The following MPPED2 variants were observed in gnomAD, a reference collection of about 807,000 sequenced individuals.
MPPED2 encodes the protein metallophosphoesterase MPPED2.
MPPED2 carries 5 observed loss-of-function variants against 33.0 expected under a neutral mutation model. The observed-to-expected ratio is 0.15, with a 90% confidence interval of 0.08 to 0.32. The LOEUF (loss-of-function observed/expected upper bound fraction) is 0.32, where lower values mean the gene tolerates loss of function less well. Ranked by LOEUF, MPPED2 falls within the 10% of genes least tolerant of loss-of-function variation. The probability of loss-of-function intolerance (pLI) is 1.00; values close to 1 mark genes in which losing one functional copy is unlikely to be tolerated. For synonymous variants in MPPED2, 136 were observed against 141.9 expected (o/e 0.96, Z 0.29); for missense variants, 275 against 372.1 (o/e 0.74, Z 2.15).
intron 2 of MPPED2, among the ~76,000 whole-genome samples, chr11:30,559,625 C>G (rs1956150367): frequency 6.6e-6 from 1 of 152,064 alleles, no homozygotes; most frequent in Non-Finnish European, 1.5e-5. Context: ...TTGCGTATCT[C>G]CTTCAAAGTC....
chr11:30,503,909 A>T (rs1952684597), intron 3 of MPPED2, among the ~76,000 whole-genome samples: 1 of 152,224 alleles, frequency 6.6e-6, no homozygotes, highest in Non-Finnish European at 1.5e-5. Flanking sequence ...CACAGGGCAC[A>T]GCCTTCAGGC....
chr11:30,585,140 A>ACCCC (rs1957399652), intron 1 of MPPED2, among the ~76,000 whole-genome samples: 1 of 152,148 alleles, frequency 6.6e-6, no homozygotes, highest in Admixed American at 6.5e-5. Flanking sequence ...CGGAATTCAA[A>ACCCC]GGCTTTACAA....
chr11:30,494,757 A>AAAAAAAAAAAAAAAAAAAAAAG (rs768924251), intron 4 of MPPED2, among the ~76,000 whole-genome samples: 3 of 120,884 alleles, frequency 2.5e-5, no homozygotes, highest in South Asian at 2.7e-4. Flanking sequence ...AAAAAAAAAA[A>AAAAAAAAAAAAAAAAAAAAAAG]AAAGAAAGAA....
chr11:30,491,921 G>A (rs1951999226), intron 4 of MPPED2, among the ~76,000 whole-genome samples: 1 of 152,080 alleles, frequency 6.6e-6, no homozygotes, highest in South Asian at 2.1e-4. Context: ...TCCAATGGAT[G>A]GGGCAAAAAT....
At chr11:30,436,853 T>A (rs1467593895) in intron 4 of MPPED2, among the ~76,000 whole-genome samples, 1 of 152,192 alleles carries the variant, frequency 6.6e-6, no homozygotes, top group Non-Finnish European at 1.5e-5. Flanking sequence ...ACTTTTAGAC[T>A]TTGAAAGTGA....
At chr11:30,392,261 CT>C (rs909815152) in intron 6 of MPPED2, among the ~76,000 whole-genome samples, 12 of 152,116 alleles carry the variant, frequency 7.9e-5, no homozygotes, top group African/African-American at 2.9e-4. Flanking sequence ...AAGAATAAGC[CT>C]TCTCTCTCTT....
chr11:30,543,781 A>G (rs11031129), intron 2 of MPPED2, among the ~76,000 whole-genome samples: 26,137 of 147,234 alleles, frequency 0.18, 2,918 homozygotes, highest in Non-Finnish European at 0.25. Context: ...CGTTCCAGAA[A>G]TGGCGTTGTT....
intron 2 of MPPED2, among the ~76,000 whole-genome samples, chr11:30,578,479 T>C (rs1348664491): frequency 6.6e-6 from 1 of 152,190 alleles, no homozygotes; most frequent in Admixed American, 6.5e-5. Context: ...TTGTTATGGC[T>C]AGATAAAAGC....
In MPPED2 at chr11:30,431,364, G is replaced by A. The variant is rs570601686; in HGVS notation, c.537-13731C>T. On this transcript the variant is annotated intron_variant, in intron 4 of 6. Transcript: ENST00000358117. ...CTGAACCAGCTTTAACACCTCCAAA[G>A]GTGTGAACTTGAGTAAGCTGCTGCA... is the stretch of plus-strand genomic sequence containing the variant. Among the ~76,000 whole-genome samples the A allele has an allele frequency of 4.6e-5, 7 of 152,322 alleles. No homozygotes were observed. In the South Asian group the frequency reaches 1.5e-3, roughly 32 times the overall value.
At chr11:30,541,495 A>G (rs915821911) in intron 2 of MPPED2, among the ~76,000 whole-genome samples, 7 of 152,362 alleles carry the variant, frequency 4.6e-5, no homozygotes, top group African/African-American at 1.4e-4. Context: ...GTGAGAGAAT[A>G]GAACTGTATC....
At chr11:30,472,361 GAATAAT>G (rs35857172) in intron 4 of MPPED2, among the ~76,000 whole-genome samples, 3 of 150,850 alleles carry the variant, frequency 2.0e-5, no homozygotes, top group Non-Finnish European at 3.0e-5. Flanking sequence ...GGCCTGTCTC[GAATAAT>G]AATAATAATA....
At chr11:30,549,232 T>C (rs1043729525) in intron 2 of MPPED2, among the ~76,000 whole-genome samples, 16 of 152,192 alleles carry the variant, frequency 1.1e-4, no homozygotes, top group Admixed American at 4.6e-4. Flanking sequence ...ACTGCTTTCT[T>C]TCTGTACCTG....
chr11:30,410,422 A>C lies in MPPED2; in HGVS notation c.*1046T>G. ...TTGTGCTAGCGAAGATTGCATCGAC[A>C]CACAGTGCAAAATGGGAGAGGGGAG... On this transcript the variant is annotated 3_prime_UTR_variant, in exon 7 of 7. Coordinates refer to ENST00000358117, the MANE Select transcript of MPPED2 (RefSeq NM_001584.3). 1 of 984,736 alleles carries C rather than the reference A, an allele frequency of 1.0e-6. No individual in the cohort carries two copies. The highest frequency in any genetic ancestry group is 4.7e-5 in the South Asian group (1 of 21,196). The allele number at this position is 984,736 out of a possible 1,614,324, so 61.0% of individuals were successfully genotyped here.
chr11:30,535,927 G>T, intron 3 of MPPED2, 67 bp downstream of exon 3: 1 of 1,385,636 alleles, frequency 7.2e-7, no homozygotes, highest in South Asian at 1.5e-5. Context: ...AATTCAATTA[G>T]GACGCAGTGA....
intron 2 of MPPED2, among the ~76,000 whole-genome samples, chr11:30,561,585 G>T (rs1467694945): frequency 6.6e-6 from 1 of 152,156 alleles, no homozygotes; most frequent in Non-Finnish European, 1.5e-5. Flanking sequence ...CTAGGAGTCT[G>T]GCTGCAGCCT....
intron 1 of MPPED2, chr11:30,584,365 CACACACACACA>C (rs1308224237): frequency 3.3e-5 from 5 of 152,460 alleles, no homozygotes; most frequent in South Asian, 4.1e-4. Context: ...CACACACACA[CACACACACACA>C]CCACATACAC....
At chr11:30,480,373 C>T (rs1380289181) in intron 4 of MPPED2, among the ~76,000 whole-genome samples, 2 of 152,006 alleles carry the variant, frequency 1.3e-5, no homozygotes, top group Non-Finnish European at 1.5e-5. Flanking sequence ...GACAGGACTG[C>T]AGTGTGCTTA....
intron 3 of MPPED2, among the ~76,000 whole-genome samples, chr11:30,534,702 C>A (rs571400374): frequency 2.6e-5 from 4 of 152,130 alleles, no homozygotes; most frequent in Non-Finnish European, 5.9e-5. Context: ...AATTTCATAT[C>A]CTTTGACTTA....
Position 30,558,484 on chromosome 11 carries a change from C to G in MPPED2, c.128+21762G>C, listed in dbSNP as rs192112709. 1.1e-4 allele frequency among the ~76,000 whole-genome samples: 17 copies of G among 151,836 alleles called. No homozygotes were observed. In the East Asian group the frequency reaches 2.9e-3, roughly 26 times the overall value. On this transcript the variant is annotated intron_variant, in intron 2 of 6. Transcript: ENST00000358117. ...AGGCTGCAGTGCAGTGGACTGATCA[C>G]AGCTCACTGCAGCTCTGGCCTGCCA... is the stretch of plus-strand genomic sequence containing the variant.
Sources: gnomAD v4.1 joint callset for allele counts (sites outside exome capture counted in the v4.1 genomes callset) on GRCh38, gnomAD v4.1.1 for gene constraint, MANE v1.5 for transcripts, NCBI Gene and HGNC (gene_info 2026-07-23, HGNC 2026-07-21) for gene names.